PTPRQ: variants seen among roughly 807,000 people sequenced by gnomAD.
The protein encoded by PTPRQ is phosphatidylinositol phosphatase PTPRQ.
In PTPRQ, 199 loss-of-function variants were observed where a neutral mutation model predicts 246.0. The observed-to-expected ratio is 0.81, with a 90% CI of 0.72 to 0.91. The LOEUF (loss-of-function observed/expected upper bound fraction) is 0.91, where lower values mean the gene tolerates loss of function less well. Ranked by LOEUF, PTPRQ falls within the 40% of genes least tolerant of loss-of-function variation. PTPRQ has a pLI of 0.00. For synonymous variants in PTPRQ, 869 were observed against 853.2 expected, an observed-to-expected ratio of 1.02 and a Z score of -0.32; for missense variants, 2,624 against 2,528.4, an observed-to-expected ratio of 1.04 and a Z score of -0.81.
chr12:80,514,772 A>T (rs1019775508), intron 17 of PTPRQ, among the ~76,000 whole-genome samples: 1 of 146,528 alleles, frequency 6.8e-6, no homozygotes, highest in African/African-American at 2.5e-5. Context: ...ACATATTATT[A>T]TATATAATTG....
chr12:80,506,542 C>T (rs774119779), intron 15 of PTPRQ, 27 bp from the exon 16 acceptor site: 1 of 1,454,268 alleles, frequency 6.9e-7, no homozygotes, highest in South Asian at 1.3e-5. Context: ...TTGTAAGTTT[C>T]AACTTACCTA....
chr12:80,612,609 T>A (rs1460754226), intron 28 of PTPRQ, among the ~76,000 whole-genome samples: 1 of 150,412 alleles, frequency 6.6e-6, no homozygotes, highest in Non-Finnish European at 1.5e-5. Context: ...ATAGCCACAA[T>A]GGAAAATAAT....
intron 43 of PTPRQ, among the ~76,000 whole-genome samples, chr12:80,674,000 C>A (rs1901056809): frequency 6.6e-6 from 1 of 151,906 alleles, no homozygotes; most frequent in South Asian, 2.1e-4. Context: ...TAAGGCAGGG[C>A]CAGTAAAACC....
chr12:80,513,586 C>T (rs1895189065), intron 17 of PTPRQ, among the ~76,000 whole-genome samples: 1 of 152,074 alleles, frequency 6.6e-6, no homozygotes, highest in Admixed American at 6.6e-5. Context: ...ACAGAAATGC[C>T]TGTCCTCATC....
Position 80,669,008 on chromosome 12 carries a change from G to C in PTPRQ, c.6194G>C (p.Gly2065Ala). ...GTGTTTGTAATTATATCCTTCTAGG[G>C]TTATTTATGTCCAAATGAATTTATT... Reference protein sequence around the residue: ...SDYINASYISGYLCPNEFIAT... With the variant: ...SDYINASYISAYLCPNEFIAT... Residue 2065 changes from glycine to alanine, a missense_variant and splice_region_variant, in exon 40 of 45, where the codon GGT becomes GCT. By Grantham distance (60) the Gly-to-Ala change is moderately conservative. Transcript: ENST00000644991. 6.5e-7 allele frequency: 1 copy of C among 1,548,766 alleles called. No homozygotes were observed. Among genetic ancestry groups the C allele is most frequent in the South Asian group, 1.2e-5 (1 of 83,760 alleles).
rs1896410267 is a variant in PTPRQ at position 80,549,622 on chromosome 12, CA to C, written c.4174del (p.Thr1392LeufsTer3). The stretch of plus-strand genomic sequence containing the variant: ...AAGTTTCTCCCCAAGATCACATGTA[CA>C]CTTTCATAAAGCTTCTTGCCAATAC... ...TKVSPQDHMY[T>X]FIKLLANTSY... On this transcript the variant is annotated frameshift_variant, in exon 25 of 45. Coordinates refer to ENST00000644991, the MANE Select transcript of PTPRQ (RefSeq NM_001145026.2). LOFTEE classifies it high-confidence loss of function. 6.4e-7 allele frequency: 1 copy of C among 1,551,090 alleles called. No homozygotes were observed. Among genetic ancestry groups the C allele is most frequent in the Non-Finnish European group, 8.7e-7 (1 of 1,146,622 alleles).
intron 37 of PTPRQ, 130 bp from the exon 38 acceptor site, chr12:80,652,614 C>T (rs553832063): frequency 2.3e-6 from 2 of 860,790 alleles, no homozygotes; most frequent in South Asian, 7.2e-5. Context: ...ACCTTGTTTC[C>T]ACAGTTATGA....
chr12:80,476,339 T>G (rs181882891), intron 8 of PTPRQ, among the ~76,000 whole-genome samples: 1 of 152,240 alleles, frequency 6.6e-6, no homozygotes, highest in Admixed American at 6.5e-5. Context: ...TATATTTTAG[T>G]GAAATAAAAC....
At chr12:80,642,606 A>G (rs931317189) in intron 35 of PTPRQ, among the ~76,000 whole-genome samples, 1 of 152,226 alleles carries the variant, frequency 6.6e-6, no homozygotes, top group Non-Finnish European at 1.5e-5. Flanking sequence ...AGGCCATTTC[A>G]TCTTGTTTAA....
At chr12:80,501,152 G>T (rs1034019658) in intron 14 of PTPRQ, among the ~76,000 whole-genome samples, 6 of 151,920 alleles carry the variant, frequency 3.9e-5, no homozygotes, top group African/African-American at 1.4e-4. Context: ...AGTTGGGGTA[G>T]AGAATTCACA....
chr12:80,567,645 G>A (rs1897018715), intron 25 of PTPRQ, among the ~76,000 whole-genome samples: 1 of 152,064 alleles, frequency 6.6e-6, no homozygotes, highest in African/African-American at 2.4e-5. Context: ...TTCTGTTAGT[G>A]TTGAGTCATT....
At position 80,539,785 on chromosome 12, in the gene PTPRQ, C is replaced by G; in HGVS notation, c.2995C>G (p.Leu999Val). The change falls in exon 20 of 45, where the codon CTC (leucine) becomes GTC (valine). Residue 999 changes from leucine (L) to valine (V), a missense_variant. Transcript: ENST00000644991. The stretch of plus-strand genomic sequence containing the variant: ...TGTGTTTATTTTTCAGAATTTTACA[C>G]TCCATGAAGTAACCAATGACTTTGA... Reference protein sequence around the residue: ...TSGTFMQNFTLHEVTNDFDNM... With the variant: ...TSGTFMQNFTVHEVTNDFDNM... 1 of 1,542,530 alleles carries G rather than the reference C, an allele frequency of 6.5e-7. No individual in the cohort carries two copies. The highest frequency in any genetic ancestry group is 8.7e-7 in the Non-Finnish European group (1 of 1,143,608).
At chr12:80,632,442 A>G (rs1899475544) in intron 34 of PTPRQ, among the ~76,000 whole-genome samples, 151 bp downstream of exon 34, 1 of 152,242 alleles carries the variant, frequency 6.6e-6, no homozygotes. Context: ...CATGTACAAT[A>G]TGATACTTTA....
intron 25 of PTPRQ, among the ~76,000 whole-genome samples, chr12:80,567,663 A>G (rs2120941816): frequency 6.6e-6 from 1 of 152,312 alleles, no homozygotes; most frequent in Non-Finnish European, 1.5e-5. Context: ...ATTTTCCATC[A>G]CATGAATATA....
intron 25 of PTPRQ, chr12:80,584,061 C>T (rs1897534171): frequency 6.6e-6 from 1 of 152,136 alleles, no homozygotes; most frequent in Admixed American, 6.5e-5. Flanking sequence ...AAATACTATC[C>T]TCCTTTTAGA....
At position 80,493,372 on chromosome 12, in the gene PTPRQ, C is replaced by T. The variant is rs1180386980; in HGVS notation, c.1457C>T (p.Ser486Leu). 6.5e-7 allele frequency: 1 copy of T among 1,550,162 alleles called. No homozygotes were observed. Among genetic ancestry groups the T allele is most frequent in the Admixed American group, 2.0e-5 (1 of 50,936 alleles). Residue 486 changes from serine (S) to leucine (L), a missense_variant, in exon 10 of 45, where the codon TCA becomes TTA. Physicochemically the swap from Ser to Leu is moderately radical, Grantham distance 145. Transcript: ENST00000644991. ...GCAGAGATGTCGTCTGACCTTCACT[C>T]ACTTGCTACATTTATATATAACAGC... ...GSAEMSSDLH[S>L]LATFIYNSHP... is the part of the protein sequence containing the mutation.
intron 17 of PTPRQ, among the ~76,000 whole-genome samples, chr12:80,529,417 CA>C (rs2120787776): frequency 6.6e-6 from 1 of 152,206 alleles, no homozygotes; most frequent in East Asian, 1.9e-4. Context: ...AACAAAATAT[CA>C]AATGATAAAG....
At chr12:80,504,539 T>G (rs1029481929) in intron 14 of PTPRQ, among the ~76,000 whole-genome samples, 2 of 151,862 alleles carry the variant, frequency 1.3e-5, no homozygotes, top group Non-Finnish European at 2.9e-5. Context: ...TTGCTGACTT[T>G]CACTATTGAT....
At chr12:80,454,502 G>GT (rs571712629) in intron 3 of PTPRQ, 1 of 702,564 alleles carries the variant, frequency 1.4e-6, no homozygotes, top group South Asian at 1.5e-5. Flanking sequence ...TTCCAGTACT[G>GT]TGTTCAATAG....
Sources: allele counts gnomAD v4.1 joint callset (sites outside exome capture counted in the v4.1 genomes callset), GRCh38; gene constraint gnomAD v4.1.1; transcripts MANE v1.5; gene names NCBI Gene and HGNC (gene_info 2026-07-23, HGNC 2026-07-21).